AAK1: variants seen among roughly 807,000 people sequenced by gnomAD.
AAK1 encodes AP2 associated kinase 1, also known as AP2-associated protein kinase 1.
AAK1 carries 37 observed loss-of-function variants against 116.0 expected under a neutral mutation model. That is an observed-to-expected ratio of 0.32 (90% CI 0.25 to 0.42). The LOEUF (loss-of-function observed/expected upper bound fraction) is 0.42. Ranked by LOEUF, AAK1 falls within the 10% of genes least tolerant of loss-of-function variation. The probability of loss-of-function intolerance (pLI) is 1.00; values close to 1 mark genes in which losing one functional copy is unlikely to be tolerated. For missense variants in AAK1, 919 were observed against 1,170.6 expected, an observed-to-expected ratio of 0.79 and a Z score of 3.14; for synonymous variants, 458 against 439.9, an observed-to-expected ratio of 1.04 and a Z score of -0.51.
rs185861990 is a variant in AAK1 at position 69,483,330 on chromosome 2, C to G, written c.2366-518G>C. Among the ~76,000 whole-genome samples the G allele has an allele frequency of 1.6e-4, 24 of 152,252 alleles. No individual in the cohort carries two copies. In the East Asian group the frequency reaches 4.6e-3, roughly 29 times the overall value. ...TAAATGGAACCACAGAGTATGTAGTCTTTTGTGTGTGGTTTCCTTCCTTTG... is the reference window on the plus strand; with the variant it reads ...TAAATGGAACCACAGAGTATGTAGTGTTTTGTGTGTGGTTTCCTTCCTTTG... On this transcript the variant is annotated intron_variant, in intron 17 of 21. Coordinates refer to ENST00000409085, the MANE Select transcript of AAK1 (RefSeq NM_014911.5).
chr2:69,517,393 C>A (rs568826469), intron 12 of AAK1, among the ~76,000 whole-genome samples: 1 of 152,274 alleles, frequency 6.6e-6, no homozygotes, highest in Admixed American at 6.5e-5. Flanking sequence ...GTGATACCTG[C>A]TAAGCTAATG....
chr2:69,471,619 G>C lies in AAK1; in HGVS notation c.*4250C>G, dbSNP rs1558887621. 2.0e-6 allele frequency: 2 copies of C among 985,260 alleles called. No individual in the cohort carries two copies. The highest frequency in any genetic ancestry group is 4.7e-5 in the South Asian group (1 of 21,290). 61.0% of individuals were successfully genotyped at this position (985,260 alleles called of 1,614,324 possible). A position where few individuals can be genotyped will look rare whatever the true frequency, so the allele number is the denominator to read the frequency against. On this transcript the variant is annotated 3_prime_UTR_variant, in exon 22 of 22. Coordinates refer to ENST00000409085, the MANE Select transcript of AAK1 (RefSeq NM_014911.5). ...CAAAGCTCAAAGTTAGTGGCTATGG[G>C]AGCCTGATAATCTTGCAGACAGAGA...
At chr2:69,530,733 T>C (rs751508322) in intron 6 of AAK1, 27 bp from the exon 7 acceptor site, 220 of 1,533,008 alleles carry the variant, frequency 1.4e-4, no homozygotes, top group Non-Finnish European at 2.0e-4. Context: ...CATTTTTTAT[T>C]AAATATGTCA....
intron 17 of AAK1, among the ~76,000 whole-genome samples, chr2:69,488,568 G>A (rs147425461): frequency 2.0e-5 from 3 of 152,264 alleles, no homozygotes; most frequent in Admixed American, 6.5e-5. Flanking sequence ...ATTAATGCGT[G>A]TGTATAAATA....
intron 2 of AAK1, among the ~76,000 whole-genome samples, chr2:69,614,006 T>C (rs572907411): frequency 1.3e-5 from 2 of 152,276 alleles, no homozygotes; most frequent in African/African-American, 4.8e-5. Flanking sequence ...TTAATTTGAA[T>C]AGTAGGACAC....
intron 21 of AAK1, 51 bp from the exon 22 acceptor site, chr2:69,476,014 T>C: frequency 6.4e-7 from 1 of 1,565,630 alleles, no homozygotes; most frequent in Non-Finnish European, 8.7e-7. Flanking sequence ...GGTTAAGGTT[T>C]AGATGTGCAG....
At chr2:69,587,131 C>G (rs1188056205) in intron 2 of AAK1, among the ~76,000 whole-genome samples, 1 of 151,446 alleles carries the variant, frequency 6.6e-6, no homozygotes, top group Non-Finnish European at 1.5e-5. Context: ...GTTGCCCAGG[C>G]TGGAGTACGA....
chr2:69,591,617 C>T (rs896285958), intron 2 of AAK1, among the ~76,000 whole-genome samples: 11 of 146,290 alleles, frequency 7.5e-5, no homozygotes, highest in African/African-American at 2.9e-4. Context: ...GCCTCCCAGG[C>T]TGGAGTGCAG....
chr2:69,502,409 G>T (rs1433701534), intron 16 of AAK1, among the ~76,000 whole-genome samples: 1 of 151,948 alleles, frequency 6.6e-6, no homozygotes, highest in African/African-American at 2.4e-5. Context: ...ATCACCTGAG[G>T]TCAGGAGTTC....
At chr2:69,522,121 A>G (rs1669811863) in intron 10 of AAK1, among the ~76,000 whole-genome samples, 1 of 152,254 alleles carries the variant, frequency 6.6e-6, no homozygotes, top group Non-Finnish European at 1.5e-5. Context: ...ACTCATTTAC[A>G]GTAGTCCAGG....
chr2:69,640,014 A>AACACACACACACACACACACAC (rs376034914), intron 2 of AAK1, among the ~76,000 whole-genome samples: 1 of 103,750 alleles, frequency 9.6e-6, no homozygotes, highest in African/African-American at 3.9e-5. Flanking sequence ...ACTCCCCTTT[A>AACACACACACACACACACACAC]ACACACACAC....
intron 5 of AAK1, among the ~76,000 whole-genome samples, chr2:69,532,813 G>C (rs1370200189): frequency 1.3e-5 from 2 of 152,156 alleles, no homozygotes; most frequent in African/African-American, 4.8e-5. Flanking sequence ...CAGTTTTCCT[G>C]TTAATGTATT....
At chr2:69,503,326 T>C (rs1676049199) in intron 16 of AAK1, among the ~76,000 whole-genome samples, 1 of 152,190 alleles carries the variant, frequency 6.6e-6, no homozygotes, top group Non-Finnish European at 1.5e-5. Context: ...TAGATACTAA[T>C]CAGTATAATT....
intron 3 of AAK1, among the ~76,000 whole-genome samples, chr2:69,545,417 G>A (rs998505303): frequency 4.6e-5 from 7 of 152,200 alleles, no homozygotes; most frequent in Admixed American, 1.3e-4. Flanking sequence ...GCAAGGTAAG[G>A]TTTTATTTTT....
chr2:69,572,047 T>C (rs1388058835), intron 2 of AAK1, among the ~76,000 whole-genome samples: 1 of 152,196 alleles, frequency 6.6e-6, no homozygotes, highest in Admixed American at 6.5e-5. Flanking sequence ...TGGCAAGGCC[T>C]GTGAAGAAGG....
chr2:69,526,116 T>A (rs1053666828), intron 9 of AAK1, among the ~76,000 whole-genome samples: 1 of 152,214 alleles, frequency 6.6e-6, no homozygotes, highest in Non-Finnish European at 1.5e-5. Context: ...GTAGAAAAAC[T>A]GAGCTGGTCC....
At chr2:69,602,622 A>G (rs1445044104) in intron 2 of AAK1, among the ~76,000 whole-genome samples, 2 of 152,186 alleles carry the variant, frequency 1.3e-5, no homozygotes, top group African/African-American at 4.8e-5. Context: ...TAAGAAAAGA[A>G]AAGGACAAGA....
Position 69,468,280 on chromosome 2 carries a change from A to C in AAK1, c.*7589T>G. Reference sequence around the variant, plus strand: ...TCTCAGGCAAGTAAATTGATATTAGATTTGTCTCAGTGATACCAAGATGAT... The same window carrying C: ...TCTCAGGCAAGTAAATTGATATTAGCTTTGTCTCAGTGATACCAAGATGAT... On this transcript the variant is annotated 3_prime_UTR_variant, in exon 22 of 22. Coordinates refer to ENST00000409085, the MANE Select transcript of AAK1 (RefSeq NM_014911.5). The C allele has an allele frequency of 2.0e-6, 2 of 985,286 alleles. No individual in the cohort carries two copies. Among genetic ancestry groups the C allele is most frequent in the Non-Finnish European group, 2.4e-6 (2 of 829,792 alleles). The allele number at this position is 985,286 out of a possible 1,614,324, so 61.0% of individuals were successfully genotyped here.
intron 8 of AAK1, among the ~76,000 whole-genome samples, chr2:69,528,760 G>A (rs1670122551): frequency 6.6e-6 from 1 of 152,178 alleles, no homozygotes; most frequent in Non-Finnish European, 1.5e-5. Context: ...TGGGAAAGAT[G>A]TCCATGGTAT....
Sources: allele counts gnomAD v4.1 joint callset (sites outside exome capture counted in the v4.1 genomes callset), GRCh38; gene constraint gnomAD v4.1.1; transcripts MANE v1.5; gene names NCBI Gene and HGNC (gene_info 2026-07-23, HGNC 2026-07-21).